The following COL21A1 variants were observed in gnomAD, a reference collection of about 807,000 sequenced individuals.
COL21A1 encodes the protein collagen type XXI alpha 1 chain.
COL21A1 carries 149 observed loss-of-function variants against 137.9 expected under a neutral mutation model. The observed-to-expected ratio is 1.08, with a 90% CI of 0.95 to 1.24. The LOEUF is 1.24. Ranked by LOEUF, COL21A1 falls within the 50% of genes most tolerant of loss-of-function variation. The pLI is 0.00. For synonymous variants in COL21A1, 456 were observed against 391.5 expected, an observed-to-expected ratio of 1.16 and a Z score of -1.95; for missense variants, 1,167 against 1,158.4, an observed-to-expected ratio of 1.01 and a Z score of -0.11.
intron 1 of COL21A1, among the ~76,000 whole-genome samples, chr6:56,295,788 C>T (rs531595475): frequency 1.3e-5 from 2 of 151,972 alleles, no homozygotes; most frequent in African/African-American, 4.8e-5. Context: ...ACCTTATATC[C>T]TGCAACTTTG....
intron 1 of COL21A1, among the ~76,000 whole-genome samples, chr6:56,326,873 G>T (rs1435794407): frequency 6.6e-6 from 1 of 151,984 alleles, no homozygotes; most frequent in African/African-American, 2.4e-5. Context: ...CATAACACTA[G>T]ACATTCACAC....
At chr6:56,291,772 G>A (rs569039546) in intron 1 of COL21A1, among the ~76,000 whole-genome samples, 63 of 152,308 alleles carry the variant, frequency 4.1e-4, no homozygotes, top group African/African-American at 3.4e-4. Flanking sequence ...GTTATCTCCT[G>A]TTAGTCAGTA....
intron 1 of COL21A1, among the ~76,000 whole-genome samples, chr6:56,209,274 C>T (rs939063524): frequency 1.3e-5 from 2 of 152,080 alleles, no homozygotes; most frequent in Non-Finnish European, 2.9e-5. Flanking sequence ...CCAAAATTGA[C>T]AAATGGGATC....
chr6:56,252,252 T>C (rs1231547587), upstream of COL21A1, among the ~76,000 whole-genome samples: 5 of 152,046 alleles, frequency 3.3e-5, no homozygotes, highest in African/African-American at 1.2e-4. Flanking sequence ...TTAACAAGCT[T>C]TTCCCTTATT....
At chr6:56,078,268 A>G in intron 17 of COL21A1, 1 of 452,928 alleles carries the variant, frequency 2.2e-6, no homozygotes. Flanking sequence ...CTTGCAGAAG[A>G]GTTCTATTGT....
In COL21A1 at chr6:56,057,681, C is replaced by A. The variant is rs376532958; in HGVS notation, c.2850G>T (p.Pro950=). The change falls in exon 30 of 30, where the codon CCG becomes CCT. Residue 950 remains proline, a synonymous_variant. Transcript: ENST00000244728. ...LCFSVIARRD[P]FRKGPNY is the part of the protein sequence containing the mutation. ...ACTAATAGTTTGGTCCTTTTCTGAACGGATCTCTTCTGGCAATTACACTAA... is the reference window on the plus strand; with the variant it reads ...ACTAATAGTTTGGTCCTTTTCTGAAAGGATCTCTTCTGGCAATTACACTAA... 1.9e-6 allele frequency: 3 copies of A among 1,613,010 alleles called. No homozygotes were observed. Among genetic ancestry groups the A allele is most frequent in the African/African-American group, 2.7e-5 (2 of 74,864 alleles).
chr6:56,289,237 A>G (rs949614031), intron 1 of COL21A1, among the ~76,000 whole-genome samples: 1 of 152,226 alleles, frequency 6.6e-6, no homozygotes, highest in African/African-American at 2.4e-5. Flanking sequence ...GCTAGCAGCT[A>G]AAAGAAAGTT....
chr6:56,286,720 G>C (rs1393279327), intron 1 of COL21A1, among the ~76,000 whole-genome samples: 1 of 152,066 alleles, frequency 6.6e-6, no homozygotes, highest in Non-Finnish European at 1.5e-5. Flanking sequence ...GAAAACTGTG[G>C]ATAATAGCCT....
At chr6:56,201,055 T>G (rs9382592) in intron 1 of COL21A1, among the ~76,000 whole-genome samples, 94,649 of 151,440 alleles carry the variant, frequency 0.62, 29,845 homozygotes, top group East Asian at 0.86. Context: ...TGATGGCCAG[T>G]GATGATGAGC....
At position 56,064,655 on chromosome 6, in the gene COL21A1, T is replaced by C. The variant is rs373664648; in HGVS notation, c.2128-33A>G. The C allele has an allele frequency of 1.6e-5, 23 of 1,466,250 alleles. No individual in the cohort carries two copies. The African/African-American group carries it at 3.2e-4, about 21-fold the overall frequency. The allele number at this position is 1,466,250 out of a possible 1,614,324, so 90.8% of individuals were successfully genotyped here. A position where few individuals can be genotyped will look rare whatever the true frequency, so the allele number is the denominator to read the frequency against. ...ATAAAAAAAAACATTATTGATTAGT[T>C]TGCACACTTACGATGCAATCACATA... On this transcript the variant is annotated intron_variant, in intron 23 of 29. Transcript: ENST00000244728.
intron 1 of COL21A1, among the ~76,000 whole-genome samples, chr6:56,346,766 C>A (rs181536062): frequency 2.1e-4 from 32 of 152,286 alleles, no homozygotes; most frequent in African/African-American, 7.7e-4. Context: ...CTGTACCGCT[C>A]CTCTCAGAGT....
chr6:56,247,290 A>C (rs1782708677), intron 1 of COL21A1, 97 bp downstream of exon 1: 1 of 152,322 alleles, frequency 6.6e-6, no homozygotes, highest in Admixed American at 6.5e-5. Flanking sequence ...CCCCCAGGAA[A>C]CCCAAAATGC....
At chr6:56,257,138 G>A (rs569270116) in intron 1 of COL21A1, among the ~76,000 whole-genome samples, 12 of 152,226 alleles carry the variant, frequency 7.9e-5, no homozygotes, top group African/African-American at 2.9e-4. Flanking sequence ...TGAAAAAAGA[G>A]ATAAAAATCA....
intron 1 of COL21A1, among the ~76,000 whole-genome samples, chr6:56,374,516 A>T (rs1016906187): frequency 6.6e-6 from 1 of 152,162 alleles, no homozygotes; most frequent in Non-Finnish European, 1.5e-5. Context: ...CAAGGTCAAG[A>T]GATTGAGACC....
At chr6:56,390,217 C>T (rs1171337165) in intron 1 of COL21A1, among the ~76,000 whole-genome samples, 1 of 151,806 alleles carries the variant, frequency 6.6e-6, no homozygotes, top group Non-Finnish European at 1.5e-5. Context: ...GTTTTCTCTG[C>T]TATGTGTTTG....
intron 1 of COL21A1, among the ~76,000 whole-genome samples, chr6:56,183,210 ATGTAGAAAGT>A (rs1483156144): frequency 2.6e-5 from 4 of 152,214 alleles, no homozygotes; most frequent in African/African-American, 9.6e-5. Flanking sequence ...TCTGGTTAGA[ATGTAGAAAGT>A]TGCAAGAGAT....
intron 24 of COL21A1, among the ~76,000 whole-genome samples, chr6:56,063,022 GT>G (rs1292884858): frequency 6.6e-6 from 1 of 152,118 alleles, no homozygotes; most frequent in African/African-American, 2.4e-5. Flanking sequence ...CTAAGACTGT[GT>G]TTACATGAAG....
At chr6:56,111,269 A>T (rs891945496) in intron 16 of COL21A1, among the ~76,000 whole-genome samples, 1 of 152,178 alleles carries the variant, frequency 6.6e-6, no homozygotes, top group Non-Finnish European at 1.5e-5. Flanking sequence ...CAAAGTCATG[A>T]CAGACAAGAA....
chr6:56,074,504 G>A (rs185372255), intron 19 of COL21A1, among the ~76,000 whole-genome samples: 96 of 151,534 alleles, frequency 6.3e-4, no homozygotes, highest in African/African-American at 2.0e-3. Flanking sequence ...GGCTAGCAGA[G>A]CGCTTATGAT....
Sources: allele counts gnomAD v4.1 joint callset (sites outside exome capture counted in the v4.1 genomes callset), GRCh38; gene constraint gnomAD v4.1.1; transcripts MANE v1.5; gene names NCBI Gene and HGNC (gene_info 2026-07-23, HGNC 2026-07-21).